FNDC3A: variants seen among roughly 807,000 people sequenced by gnomAD.
FNDC3A encodes the protein fibronectin type III domain containing 3A, also known as fibronectin type-III domain-containing protein 3A.
Under a neutral mutation model 148.9 loss-of-function variants are expected in FNDC3A, and 32 were observed. The observed-to-expected ratio is 0.21, with a 90% CI of 0.16 to 0.29. The LOEUF (loss-of-function observed/expected upper bound fraction) is 0.29. Ranked by LOEUF, FNDC3A falls within the 10% of genes least tolerant of loss-of-function variation. The probability of loss-of-function intolerance (pLI) is 1.00; values close to 1 mark genes in which losing one functional copy is unlikely to be tolerated. For missense variants in FNDC3A, 1,191 were observed against 1,452.8 expected, an observed-to-expected ratio of 0.82 and a Z score of 2.93; for synonymous variants, 472 against 473.6, an observed-to-expected ratio of 1.00 and a Z score of 0.04.
At chr13:49,109,112 T>C (rs1349773578) in intron 3 of FNDC3A, among the ~76,000 whole-genome samples, 1 of 152,212 alleles carries the variant, frequency 6.6e-6, no homozygotes, top group Non-Finnish European at 1.5e-5. Context: ...CTGGAAATGA[T>C]GCTCACTTCA....
At chr13:49,169,331 G>A (rs1251776679) in intron 10 of FNDC3A, among the ~76,000 whole-genome samples, 1 of 152,154 alleles carries the variant, frequency 6.6e-6, no homozygotes, top group Non-Finnish European at 1.5e-5. Context: ...CAAATTAAAT[G>A]CAGTCTTTCC....
chr13:49,201,604 A>G (rs1009618248), intron 23 of FNDC3A, among the ~76,000 whole-genome samples, 196 bp from the exon 24 acceptor site: 1 of 152,180 alleles, frequency 6.6e-6, no homozygotes, highest in South Asian at 2.1e-4. Flanking sequence ...GAAATTTACC[A>G]AATATCCTAT....
rs558451241 is a variant in FNDC3A, at chr13:49,148,147, T to C, written c.977+2212T>C. 2.8e-4 allele frequency among the ~76,000 whole-genome samples: 43 copies of C among 152,300 alleles called. 2 individuals are homozygous for C. The South Asian group carries it at 8.7e-3, about 31-fold the overall frequency. On this transcript the variant is annotated intron_variant, in intron 8 of 25. Transcript: ENST00000492622. Reference sequence around the variant, plus strand: ...TTTTGTTAGATGAATAGTTTGCAAATACTCTCTCCCTTTCTGAGGGTTGTG... The same window carrying C: ...TTTTGTTAGATGAATAGTTTGCAAACACTCTCTCCCTTTCTGAGGGTTGTG...
chr13:49,163,739 G>T (rs1884302340), intron 8 of FNDC3A, among the ~76,000 whole-genome samples: 1 of 152,184 alleles, frequency 6.6e-6, no homozygotes, highest in Non-Finnish European at 1.5e-5. Flanking sequence ...CTGTAGACTG[G>T]AGCTGTTCCT....
At chr13:49,171,680 T>C (rs758868727) in intron 10 of FNDC3A, among the ~76,000 whole-genome samples, 7 of 152,192 alleles carry the variant, frequency 4.6e-5, no homozygotes, top group African/African-American at 7.2e-5. Flanking sequence ...ATTCCATTTA[T>C]TTTGTAAGGT....
chr13:49,111,997 A>T (rs1031310819), intron 3 of FNDC3A, among the ~76,000 whole-genome samples: 1 of 152,224 alleles, frequency 6.6e-6, no homozygotes, highest in South Asian at 2.1e-4. Context: ...AAATGGTTTG[A>T]ATTGTAACTA....
intron 3 of FNDC3A, chr13:49,110,280 C>A: frequency 6.9e-7 from 1 of 1,448,690 alleles, no homozygotes; most frequent in South Asian, 1.4e-5. Flanking sequence ...GTCAAAGGAT[C>A]TTTTCCTCTT....
chr13:48,978,444 A>G (rs146619684), intron 1 of FNDC3A, among the ~76,000 whole-genome samples: 24 of 152,302 alleles, frequency 1.6e-4, no homozygotes, highest in African/African-American at 5.3e-4. Flanking sequence ...TGTTCATGAC[A>G]TCCAAGGCTT....
In FNDC3A at chr13:49,187,452, T is replaced by G. The variant is rs1353211817; in HGVS notation, c.1825+262T>G. 6.7e-6 allele frequency: 9 copies of G among 1,336,822 alleles called. No homozygotes were observed. The East Asian group carries it at 1.2e-4, about 17-fold the overall frequency. 82.8% of individuals were successfully genotyped at this position (1,336,822 alleles called of 1,614,324 possible). ...TGTACCTCTTAAAATGCTCTTCATA[T>G]CTGTTAATGGATGAACTGAAACATC... On this transcript the variant is annotated intron_variant, in intron 16 of 25. Transcript: ENST00000492622.
chr13:49,050,173 T>C (rs1448592102), intron 2 of FNDC3A, among the ~76,000 whole-genome samples: 1 of 152,214 alleles, frequency 6.6e-6, no homozygotes, highest in East Asian at 1.9e-4. Context: ...TTTCTTTTCT[T>C]CTGAGTTTGG....
chr13:49,060,347 A>G (rs1408848749), intron 2 of FNDC3A, among the ~76,000 whole-genome samples: 1 of 152,202 alleles, frequency 6.6e-6, no homozygotes, highest in African/African-American at 2.4e-5. Flanking sequence ...ATTTAGCCAT[A>G]AAAAGGAAAT....
intron 4 of FNDC3A, among the ~76,000 whole-genome samples, chr13:49,122,479 GT>G (rs1207482549): frequency 6.6e-6 from 1 of 152,132 alleles, no homozygotes; most frequent in East Asian, 1.9e-4. Context: ...ACTCAACATA[GT>G]ATTGGGAGTT....
chr13:49,092,756 A>G (rs1158672056), intron 3 of FNDC3A, among the ~76,000 whole-genome samples: 2 of 151,274 alleles, frequency 1.3e-5, no homozygotes, highest in Non-Finnish European at 2.9e-5. Context: ...GACCACTCCA[A>G]TGTTAAAAAA....
At chr13:49,056,574 A>G (rs1823472811) in intron 2 of FNDC3A, among the ~76,000 whole-genome samples, 2 of 152,168 alleles carry the variant, frequency 1.3e-5, no homozygotes, top group African/African-American at 4.8e-5. Flanking sequence ...TGCAACTCCT[A>G]TTAAAATGTA....
At chr13:49,128,892 T>C (rs1464490988) in intron 4 of FNDC3A, among the ~76,000 whole-genome samples, 1 of 152,226 alleles carries the variant, frequency 6.6e-6, no homozygotes, top group South Asian at 2.1e-4. Flanking sequence ...TCCTTCAAGT[T>C]TCTGCTTAAG....
At chr13:49,150,933 G>A (rs1257752186) in intron 8 of FNDC3A, among the ~76,000 whole-genome samples, 1 of 117,442 alleles carries the variant, frequency 8.5e-6, no homozygotes, top group Non-Finnish European at 1.7e-5. Context: ...AACCCAGCAA[G>A]ACTCCGTCTC....
At chr13:49,013,660 A>G (rs186968156) in intron 2 of FNDC3A, among the ~76,000 whole-genome samples, 318 of 151,368 alleles carry the variant, frequency 2.1e-3, no homozygotes, top group African/African-American at 7.4e-3. Context: ...ATACATGTAT[A>G]CATGTACATA....
chr13:49,111,071 C>G (rs1407420199), intron 3 of FNDC3A, among the ~76,000 whole-genome samples: 5 of 152,300 alleles, frequency 3.3e-5, no homozygotes, highest in Middle Eastern at 3.4e-3. Flanking sequence ...TATTGCTACT[C>G]TTGTGCCAGG....
At position 49,182,456 on chromosome 13, in the gene FNDC3A, C is replaced by CA. The variant is rs36026088; in HGVS notation, c.1618-3507dup. ...ATCAAAGCCTTCAGAGCCGAGTGGCCAGTCCTATAATCCTAGGCCACTAGA... is the reference window on the plus strand; with the variant it reads ...ATCAAAGCCTTCAGAGCCGAGTGGCCAAGTCCTATAATCCTAGGCCACTAGA... On this transcript the variant is annotated intron_variant, in intron 14 of 25. Coordinates refer to ENST00000492622, the MANE Select transcript of FNDC3A (RefSeq NM_001079673.2). Among the ~76,000 whole-genome samples the CA allele has an allele frequency of 3.3e-5, 5 of 151,830 alleles. No individual in the cohort carries two copies. The East Asian group carries it at 9.7e-4, about 29-fold the overall frequency.
Sources: gnomAD v4.1 joint callset for allele counts (sites outside exome capture counted in the v4.1 genomes callset) on GRCh38, gnomAD v4.1.1 for gene constraint, MANE v1.5 for transcripts, NCBI Gene and HGNC (gene_info 2026-07-23, HGNC 2026-07-21) for gene names.